ZBBX: variants seen among roughly 807,000 people sequenced by gnomAD.
ZBBX encodes zinc finger B-box domain-containing protein 1.
A neutral mutation model predicts 108.5 loss-of-function variants in ZBBX; 101 were observed. The observed-to-expected ratio is 0.93, with a 90% CI of 0.79 to 1.10. ZBBX has a LOEUF of 1.10. ZBBX is among the 50% of genes least tolerant of loss of function. The pLI, the probability that ZBBX is intolerant of heterozygous loss-of-function variation, is 0.00. For missense variants in ZBBX, 1,009 were observed against 941.4 expected, an observed-to-expected ratio of 1.07 and a Z score of -0.94; for synonymous variants, 356 against 323.4, an observed-to-expected ratio of 1.10 and a Z score of -1.08.
chr3:167,250,938 A>G (rs2108358422), intron 20 of ZBBX, among the ~76,000 whole-genome samples: 1 of 152,258 alleles, frequency 6.6e-6, no homozygotes, highest in East Asian at 1.9e-4. Context: ...GAGTGGAAAA[A>G]CACACAGGTA....
At chr3:167,294,045 A>T (rs1278931260) in intron 18 of ZBBX, among the ~76,000 whole-genome samples, 16 of 152,214 alleles carry the variant, frequency 1.1e-4, no homozygotes, top group Admixed American at 1.0e-3. Context: ...GAAATAAGAG[A>T]GGACACAAAC....
the ZBBX span, among the ~76,000 whole-genome samples, chr3:167,216,184 A>G: frequency 1.3e-5 from 2 of 152,234 alleles, no homozygotes; most frequent in African/African-American, 4.8e-5. Flanking sequence ...AAGTCAAACT[A>G]TCTCTGTTTG....
chr3:167,362,780 G>C (rs919328386), intron 6 of ZBBX, among the ~76,000 whole-genome samples: 3 of 151,936 alleles, frequency 2.0e-5, no homozygotes, highest in African/African-American at 7.3e-5. Context: ...CTTCAGTGCT[G>C]TTTCCAGAAT....
Position 167,387,634 on chromosome 3 carries a change from C to T in ZBBX, c.-445-7229G>A, listed in dbSNP as rs545213904. Reference sequence around the variant, plus strand: ...TGAAACATACAAGGGACTCAAGAGACGTGGAGAAAGAGAGAAGAGGTGGAA... The same window carrying T: ...TGAAACATACAAGGGACTCAAGAGATGTGGAGAAAGAGAGAAGAGGTGGAA... On this transcript the variant is annotated intron_variant, in intron 1 of 21. Transcript: ENST00000455345. Among the ~76,000 whole-genome samples the T allele has an allele frequency of 2.6e-5, 4 of 151,870 alleles. No individual in the cohort carries two copies. The South Asian group carries it at 6.2e-4, about 24-fold the overall frequency.
chr3:167,387,102 T>C (rs951156415), intron 1 of ZBBX, among the ~76,000 whole-genome samples: 9 of 152,048 alleles, frequency 5.9e-5, no homozygotes, highest in African/African-American at 2.2e-4. Context: ...ATATTACCCA[T>C]GTACCCATTT....
chr3:167,286,587 G>A (rs1435036733), intron 19 of ZBBX, among the ~76,000 whole-genome samples: 1 of 152,108 alleles, frequency 6.6e-6, no homozygotes, highest in Non-Finnish European at 1.5e-5. Context: ...CAAATGGCTT[G>A]GACTAATCTT....
chr3:167,332,325 G>A (rs1204222994), intron 10 of ZBBX, among the ~76,000 whole-genome samples: 8 of 151,472 alleles, frequency 5.3e-5, no homozygotes, highest in Non-Finnish European at 8.8e-5. Flanking sequence ...CCCACCCACG[G>A]AGATGCTGAA....
At chr3:167,214,987 G>A in the ZBBX span, among the ~76,000 whole-genome samples, 1 of 152,002 alleles carries the variant, frequency 6.6e-6, no homozygotes, top group East Asian at 1.9e-4. Context: ...AGTTGAGACA[G>A]TGTTGAGGAA....
intron 18 of ZBBX, among the ~76,000 whole-genome samples, chr3:167,297,393 C>T (rs1731862291): frequency 1.3e-5 from 2 of 151,858 alleles, no homozygotes; most frequent in African/African-American, 4.8e-5. Flanking sequence ...AAACTCAAAT[C>T]GATCAAAGAC....
intron 8 of ZBBX, among the ~76,000 whole-genome samples, chr3:167,356,428 T>C (rs1310274894): frequency 6.6e-6 from 1 of 152,084 alleles, no homozygotes; most frequent in Non-Finnish European, 1.5e-5. Flanking sequence ...TGCCATTAAA[T>C]AAACCTAACA....
intron 20 of ZBBX, among the ~76,000 whole-genome samples, chr3:167,245,939 G>A (rs1283866840): frequency 2.0e-5 from 3 of 152,046 alleles, no homozygotes; most frequent in Non-Finnish European, 4.4e-5. Flanking sequence ...TATTTATGTG[G>A]CATTGTTATA....
chr3:167,396,494 A>C (rs902749431), intron 1 of ZBBX, among the ~76,000 whole-genome samples: 32 of 152,070 alleles, frequency 2.1e-4, no homozygotes, highest in Non-Finnish European at 4.4e-4. Context: ...GAGCACTAGC[A>C]GGGAGAAATT....
the ZBBX span, among the ~76,000 whole-genome samples, chr3:167,203,758 A>G: frequency 6.6e-6 from 1 of 152,118 alleles, no homozygotes; most frequent in Non-Finnish European, 1.5e-5. Context: ...ATTTTGTTAA[A>G]ATTAGAAACT....
chr3:167,354,698 T>G (rs1282647649), intron 8 of ZBBX, among the ~76,000 whole-genome samples: 1 of 151,980 alleles, frequency 6.6e-6, no homozygotes, highest in African/African-American at 2.4e-5. Flanking sequence ...TTCTGCATAA[T>G]TTTTATTTAA....
At chr3:167,331,207 G>A (rs1280339359) in intron 10 of ZBBX, among the ~76,000 whole-genome samples, 3 of 151,996 alleles carry the variant, frequency 2.0e-5, no homozygotes, top group African/African-American at 7.2e-5. Context: ...CCAACTGAAT[G>A]TGCAGAGGAG....
intron 20 of ZBBX, among the ~76,000 whole-genome samples, chr3:167,263,032 G>GTTTT (rs1192290285): frequency 6.3e-5 from 7 of 111,046 alleles, no homozygotes; most frequent in Admixed American, 1.1e-4. Flanking sequence ...TGCTTTTCTA[G>GTTTT]TTCTTTTTTT....
chr3:167,370,774 T>C (rs1746042473), intron 4 of ZBBX, among the ~76,000 whole-genome samples: 1 of 152,154 alleles, frequency 6.6e-6, no homozygotes, highest in Non-Finnish European at 1.5e-5. Context: ...ATTTAATTTA[T>C]TGTTTAAGAG....
chr3:167,345,629 G>A (rs1263900919), intron 9 of ZBBX, among the ~76,000 whole-genome samples: 1 of 151,708 alleles, frequency 6.6e-6, no homozygotes. Context: ...CTGAGAGAAG[G>A]AACTGCGTTT....
intron 9 of ZBBX, among the ~76,000 whole-genome samples, chr3:167,336,890 C>A (rs1342025128): frequency 6.6e-6 from 1 of 152,138 alleles, no homozygotes; most frequent in African/African-American, 2.4e-5. Flanking sequence ...AGAAATAAAT[C>A]ATAGTCATAC....
Sources: gnomAD v4.1 joint callset for allele counts (sites outside exome capture counted in the v4.1 genomes callset) on GRCh38, gnomAD v4.1.1 for gene constraint, MANE v1.5 for transcripts, NCBI Gene and HGNC (gene_info 2026-07-23, HGNC 2026-07-21) for gene names.